Variants in NFIB observed in about 807,000 individuals in gnomAD.
NFIB encodes the protein nuclear factor I B.
NFIB carries 11 observed loss-of-function variants against 61.5 expected under a neutral mutation model. The observed-to-expected ratio is 0.18, with a 90% CI of 0.11 to 0.30. The LOEUF is 0.30. Ranked by LOEUF, NFIB falls within the 10% of genes least tolerant of loss-of-function variation. The probability of loss-of-function intolerance (pLI) is 1.00; values close to 1 mark genes in which losing one functional copy is unlikely to be tolerated. For synonymous variants in NFIB, 260 were observed against 216.5 expected, an observed-to-expected ratio of 1.20 and a Z score of -1.76; for missense variants, 471 against 608.9, an observed-to-expected ratio of 0.77 and a Z score of 2.38.
the NFIB span, among the ~76,000 whole-genome samples, chr9:14,486,954 G>C: frequency 5.3e-5 from 8 of 152,138 alleles, no homozygotes; most frequent in Admixed American, 2.0e-4. Flanking sequence ...TCCCAATCTG[G>C]ATTGATTTAC....
At chr9:14,378,649 C>T (rs956883520) in intron 1 of NFIB, among the ~76,000 whole-genome samples, 1 of 152,220 alleles carries the variant, frequency 6.6e-6, no homozygotes, top group African/African-American at 2.4e-5. Context: ...GCCACCACAC[C>T]CAGCCCCAAT....
intron 8 of NFIB, among the ~76,000 whole-genome samples, chr9:14,117,294 A>C (rs1042072312): frequency 6.6e-6 from 1 of 152,214 alleles, no homozygotes; most frequent in African/African-American, 2.4e-5. Context: ...TCCTGGGTAC[A>C]AAAATAGTTT....
chr9:14,531,604 C>T, the NFIB span, among the ~76,000 whole-genome samples: 1 of 151,902 alleles, frequency 6.6e-6, no homozygotes, highest in Non-Finnish European at 1.5e-5. Flanking sequence ...GCCAAGAAGG[C>T]TCCAATCCCC....
chr9:14,084,400 C>T lies in NFIB; in HGVS notation c.*3909G>A. ...GCTCTTCTCGCTACTTGCAGCTTCA[C>T]AGATTCATTCACATATTTTTTAATG... is the stretch of plus-strand genomic sequence containing the variant. On this transcript the variant is annotated 3_prime_UTR_variant, in exon 11 of 11. Coordinates refer to ENST00000380953, the MANE Select transcript of NFIB (RefSeq NM_001190737.2). The T allele has an allele frequency of 4.5e-6, 1 of 224,184 alleles. No homozygotes were observed. 13.9% of individuals were successfully genotyped at this position (224,184 alleles called of 1,614,324 possible).
At chr9:14,423,405 C>T in the NFIB span, among the ~76,000 whole-genome samples, 1 of 152,168 alleles carries the variant, frequency 6.6e-6, no homozygotes, top group East Asian at 1.9e-4. Flanking sequence ...GACAAGGGGA[C>T]TGATTTTTTT....
the NFIB span, among the ~76,000 whole-genome samples, chr9:14,408,621 G>C: frequency 6.6e-6 from 1 of 152,184 alleles, no homozygotes; most frequent in African/African-American, 2.4e-5. Context: ...GGGAGGCTGA[G>C]AAATCTTATC....
Position 14,344,444 on chromosome 9 carries a change from G to A in NFIB, c.109-36924C>T, listed in dbSNP as rs2060995519. On this transcript the variant is annotated intron_variant, in intron 1 of 8. Transcript: ENST00000380934. ...GTAGAGGGAGTTGTTTGTTTGTTTTGTTGTTTGGCCTCTTTGTCTCTTTTG... is the reference window on the plus strand; with the variant it reads ...GTAGAGGGAGTTGTTTGTTTGTTTTATTGTTTGGCCTCTTTGTCTCTTTTG... Among the ~76,000 whole-genome samples the A allele has an allele frequency of 2.6e-5, 4 of 151,812 alleles. No homozygotes were observed. The South Asian group carries it at 8.4e-4, about 32-fold the overall frequency.
At chr9:14,488,753 G>A in the NFIB span, among the ~76,000 whole-genome samples, 1 of 152,150 alleles carries the variant, frequency 6.6e-6, no homozygotes, top group African/African-American at 2.4e-5. Context: ...AAGCAAAGAT[G>A]AATACACAAT....
intron 10 of NFIB, among the ~76,000 whole-genome samples, chr9:14,088,796 T>G (rs973437062): frequency 6.6e-6 from 1 of 152,168 alleles, no homozygotes; most frequent in South Asian, 2.1e-4. Flanking sequence ...TACCTGCCTA[T>G]TGGGTTGAAT....
chr9:14,246,451 G>C lies in NFIB; in HGVS notation c.562+60538C>G, dbSNP rs563814323. On this transcript the variant is annotated intron_variant, in intron 2 of 10. Transcript: ENST00000380953. ...AATCCCATTTACCCTGGGATATCAA[G>C]TTTAATTTCACTCTGCTGAAGTCCT... Among the ~76,000 whole-genome samples the C allele has an allele frequency of 2.4e-4, 37 of 152,264 alleles. 1 individual carries two copies. Among genetic ancestry groups the C allele is most frequent in the African/African-American group, 7.0e-4 (29 of 41,542 alleles).
chr9:14,364,274 T>C (rs2061274380), intron 1 of NFIB, among the ~76,000 whole-genome samples: 1 of 152,200 alleles, frequency 6.6e-6, no homozygotes, highest in Non-Finnish European at 1.5e-5. Flanking sequence ...AGGTTCAGCC[T>C]GTGGAGTTTT....
the NFIB span, among the ~76,000 whole-genome samples, chr9:14,412,504 AGGTTCAT>A: frequency 1.3e-5 from 2 of 152,324 alleles, no homozygotes; most frequent in East Asian, 3.9e-4. Flanking sequence ...TTCAAAATGA[AGGTTCAT>A]TCTTCTCCTG....
the NFIB span, among the ~76,000 whole-genome samples, chr9:14,511,661 T>C: frequency 2.0e-5 from 3 of 152,210 alleles, no homozygotes; most frequent in Non-Finnish European, 4.4e-5. Context: ...TGACTGGTCT[T>C]GGCCACTATG....
intron 2 of NFIB, among the ~76,000 whole-genome samples, chr9:14,294,848 T>C (rs1184181823): frequency 6.6e-6 from 1 of 152,194 alleles, no homozygotes; most frequent in South Asian, 2.1e-4. Flanking sequence ...CTAGTAGGGA[T>C]TGTGGATATG....
the NFIB span, among the ~76,000 whole-genome samples, chr9:14,451,875 A>ATT: frequency 2.0e-4 from 29 of 146,586 alleles, no homozygotes; most frequent in Middle Eastern, 3.5e-3. Flanking sequence ...GCATGACCTT[A>ATT]TTTTTTTTTT....
chr9:14,363,354 T>C lies in NFIB; in HGVS notation c.108+35170A>G, dbSNP rs76774788. 4.3e-3 allele frequency among the ~76,000 whole-genome samples: 651 copies of C among 152,254 alleles called. 3 individuals carry two copies. The highest frequency in any genetic ancestry group is 0.014 in the African/African-American group (582 of 41,544). ...TTTGCCCCTCCTTGGAAGAACACTC[T>C]ACTGTGGGCTAATTATTACAATGGC... is the stretch of plus-strand genomic sequence containing the variant. On this transcript the variant is annotated intron_variant, in intron 1 of 8. Coordinates refer to the NFIB transcript ENST00000380934.
At chr9:14,089,700 T>G (rs891014256) in intron 10 of NFIB, among the ~76,000 whole-genome samples, 2 of 148,216 alleles carry the variant, frequency 1.3e-5, no homozygotes, top group Non-Finnish European at 2.9e-5. Flanking sequence ...TTTGAAACCA[T>G]GAAGTGAGAT....
intron 1 of NFIB, among the ~76,000 whole-genome samples, chr9:14,337,259 C>T (rs2060895994): frequency 6.6e-6 from 1 of 152,124 alleles, no homozygotes; most frequent in African/African-American, 2.4e-5. Context: ...TTCCCTCAAC[C>T]ACAGAATGGA....
chr9:14,244,511 T>A (rs1168423616), intron 2 of NFIB, among the ~76,000 whole-genome samples: 9 of 152,182 alleles, frequency 5.9e-5, no homozygotes, highest in African/African-American at 2.2e-4. Flanking sequence ...GGAATGAGTA[T>A]AGTAAGCTTT....
Sources: gnomAD v4.1 joint callset for allele counts (sites outside exome capture counted in the v4.1 genomes callset) on GRCh38, gnomAD v4.1.1 for gene constraint, MANE v1.5 for transcripts, NCBI Gene and HGNC (gene_info 2026-07-23, HGNC 2026-07-21) for gene names.